RFTN1: variants seen among roughly 807,000 people sequenced by gnomAD.
The protein encoded by RFTN1 is raftlin.
RFTN1 carries 26 observed loss-of-function variants against 46.5 expected under a neutral mutation model. The observed-to-expected ratio is 0.56, with a 90% confidence interval of 0.41 to 0.78. RFTN1 has a LOEUF of 0.78. Ranked by LOEUF, RFTN1 falls within the 30% of genes least tolerant of loss-of-function variation. The probability of loss-of-function intolerance (pLI) is 0.00; values close to 1 mark genes in which losing one functional copy is unlikely to be tolerated. For missense variants in RFTN1, 693 were observed against 718.7 expected (o/e 0.96, Z 0.41); for synonymous variants, 261 against 284.2 (o/e 0.92, Z 0.82).
At position 16,443,679 on chromosome 3, in the gene RFTN1, G is replaced by A. The variant is rs892505438; in HGVS notation, c.146-9642C>T. On this transcript the variant is annotated intron_variant, in intron 2 of 9. Coordinates refer to ENST00000334133, the MANE Select transcript of RFTN1 (RefSeq NM_015150.2). The surrounding 1 kb of genome is among the most constrained non-coding windows in gnomAD (Gnocchi z 5.5). ...ATCAGGCTGTCGTGACAATGGGAGC[G>A]GGGAAGAGTTAAGTTGTTATTGGTT... Among the ~76,000 whole-genome samples the A allele has an allele frequency of 4.6e-5, 7 of 152,096 alleles. No individual in the cohort carries two copies. The highest frequency in any genetic ancestry group is 9.6e-5 in the African/African-American group (4 of 41,498).
chr3:16,498,101 C>A lies in RFTN1; in HGVS notation c.-8-4224G>T, dbSNP rs762018838. ...TCACAGGACATAAAGGGGCTCTGGG[C>A]AAATCATCCATGTGATCAGACACAG... On this transcript the variant is annotated intron_variant, in intron 1 of 9. Coordinates refer to ENST00000334133, the MANE Select transcript of RFTN1 (RefSeq NM_015150.2). The surrounding 1 kb of genome is among the most constrained non-coding windows in gnomAD (Gnocchi z 5.2). 9.9e-5 allele frequency among the ~76,000 whole-genome samples: 15 copies of A among 152,142 alleles called. No individual in the cohort carries two copies. Among genetic ancestry groups the A allele is most frequent in the Non-Finnish European group, 1.5e-4 (10 of 68,032 alleles).
In RFTN1 at chr3:16,481,801, C is replaced by A. The variant is rs143553324; in HGVS notation, c.145+11924G>T. ...CAATGTTACCTAGAGGAGCAAGGAG[C>A]GATTTTCTAGGAAAGAAAAATGTTT... On this transcript the variant is annotated intron_variant, in intron 2 of 9. Transcript: ENST00000334133. The surrounding 1 kb of genome is among the most constrained non-coding windows in gnomAD (Gnocchi z 5.1). Among the ~76,000 whole-genome samples the A allele has an allele frequency of 1.0e-3, 156 of 152,160 alleles. No individual in the cohort carries two copies. Among genetic ancestry groups the A allele is most frequent in the African/African-American group, 3.7e-3 (154 of 41,504 alleles).
rs2071533381 is a variant in RFTN1, at chr3:16,344,825, G to C, written c.1146+13107C>G. Among the ~76,000 whole-genome samples the C allele has an allele frequency of 6.6e-6, 1 of 152,154 alleles. No individual in the cohort carries two copies. The highest frequency in any genetic ancestry group is 1.5e-5 in the Non-Finnish European group (1 of 68,024). On this transcript the variant is annotated intron_variant, in intron 7 of 9. Transcript: ENST00000334133. The surrounding 1 kb of genome is among the most constrained non-coding windows in gnomAD (Gnocchi z 4.4). ...AAGCCTTGGCCAGGTGAATTTCAAA[G>C]AACATATTTCAAGGAGTGGTAGTGA...
rs1290249751 is a variant in RFTN1 at position 16,457,854 on chromosome 3, A to G, written c.146-23817T>C. Among the ~76,000 whole-genome samples the G allele has an allele frequency of 6.6e-6, 1 of 152,132 alleles. No individual in the cohort carries two copies. The highest frequency in any genetic ancestry group is 2.1e-4 in the South Asian group (1 of 4,814). On this transcript the variant is annotated intron_variant, in intron 2 of 9. Transcript: ENST00000334133. This position sits in a 1 kb window ranked among gnomAD's most constrained non-coding sequence, Gnocchi z 4.2. ...CAGTGAAGGGAGGTGAGTCCTTTTG[A>G]GAGGTGCTTAGGTCATGAGGGCTCA...
At chr3:16,355,452 C>T (rs2072374054) in intron 7 of RFTN1, among the ~76,000 whole-genome samples, 1 of 152,226 alleles carries the variant, frequency 6.6e-6, no homozygotes, top group Admixed American at 6.5e-5. Context: ...ATAGATGGTG[C>T]CATGTAGGTG....
chr3:16,444,053 T>C (rs943875879), intron 2 of RFTN1, among the ~76,000 whole-genome samples: 9 of 152,198 alleles, frequency 5.9e-5, no homozygotes, highest in African/African-American at 2.2e-4. Flanking sequence ...CAATATTTCA[T>C]ACATTTAAAA....
In RFTN1 at chr3:16,465,226, A is replaced by AG. The variant is rs1431612558; in HGVS notation, c.145+28498_145+28499insC. ...CAAGGATGCCACTTCAAGGTAAAAA[A>AG]AAAAAAAGCCTTAGTATTTCATAGA... On this transcript the variant is annotated intron_variant, in intron 2 of 9. Coordinates refer to ENST00000334133, the MANE Select transcript of RFTN1 (RefSeq NM_015150.2). The surrounding 1 kb of genome is among the most constrained non-coding windows in gnomAD (Gnocchi z 5.1). 6.6e-6 allele frequency among the ~76,000 whole-genome samples: 1 copy of AG among 152,126 alleles called. No homozygotes were observed.
intron 7 of RFTN1, among the ~76,000 whole-genome samples, chr3:16,350,930 A>G (rs1306389812): frequency 1.3e-5 from 2 of 152,230 alleles, no homozygotes; most frequent in African/African-American, 4.8e-5. Context: ...GAAACCATAG[A>G]AATTGATGTT....
intron 2 of RFTN1, among the ~76,000 whole-genome samples, chr3:16,490,243 A>C (rs2076518475): frequency 6.6e-6 from 1 of 152,260 alleles, no homozygotes; most frequent in Non-Finnish European, 1.5e-5. Context: ...TCAAAAGGAC[A>C]GTATTGACAA....
chr3:16,419,646 C>G (rs1379541144), intron 3 of RFTN1, among the ~76,000 whole-genome samples: 1 of 152,120 alleles, frequency 6.6e-6, no homozygotes, highest in East Asian at 1.9e-4. Flanking sequence ...ATACAATGAG[C>G]CTGTTGGAGT....
chr3:16,443,399 C>T lies in RFTN1; in HGVS notation c.146-9362G>A, dbSNP rs975565950. On this transcript the variant is annotated intron_variant, in intron 2 of 9. Coordinates refer to ENST00000334133, the MANE Select transcript of RFTN1 (RefSeq NM_015150.2). The surrounding 1 kb of genome is among the most constrained non-coding windows in gnomAD (Gnocchi z 5.5). ...CCTTGGGAGATATGTCTATTCAAGC[C>T]CTCTGCCCATTTTTCAAGTTGGGTT... Among the ~76,000 whole-genome samples, 3 of 151,986 alleles carry T rather than the reference C, an allele frequency of 2.0e-5. No homozygotes were observed. The highest frequency in any genetic ancestry group is 1.9e-4 in the East Asian group (1 of 5,198).
intron 7 of RFTN1, among the ~76,000 whole-genome samples, chr3:16,343,013 A>AT (rs1197083869): frequency 2.0e-5 from 3 of 151,926 alleles, no homozygotes; most frequent in Non-Finnish European, 2.9e-5. Flanking sequence ...GCTAATTTTT[A>AT]TTTTTTTAAT....
rs2072050156 is a variant in RFTN1 at position 16,350,852 on chromosome 3, CTG to C, written c.1146+7078_1146+7079del. Among the ~76,000 whole-genome samples, 4 of 152,268 alleles carry C rather than the reference CTG, an allele frequency of 2.6e-5. No homozygotes were observed. In the South Asian group the frequency reaches 8.3e-4, roughly 32 times the overall value. On this transcript the variant is annotated intron_variant, in intron 7 of 9. Coordinates refer to ENST00000334133, the MANE Select transcript of RFTN1 (RefSeq NM_015150.2). ...AACCAAAGTAATTATCTTGGAGAAACTGTGGCAATAGAAGAAAAAAGCCAGAT... is the reference window on the plus strand; with the variant it reads ...AACCAAAGTAATTATCTTGGAGAAACTGGCAATAGAAGAAAAAAGCCAGAT...
chr3:16,365,492 T>C (rs555719804), intron 6 of RFTN1, among the ~76,000 whole-genome samples: 1 of 152,166 alleles, frequency 6.6e-6, no homozygotes, highest in African/African-American at 2.4e-5. Flanking sequence ...TACTTATGTA[T>C]TTTGCAAATA....
intron 4 of RFTN1, among the ~76,000 whole-genome samples, chr3:16,401,823 C>A (rs951231300): frequency 2.0e-5 from 3 of 152,182 alleles, no homozygotes; most frequent in Non-Finnish European, 4.4e-5. Flanking sequence ...CAGCCAGGTG[C>A]CCAACCAAAC....
In RFTN1 at chr3:16,466,754, A is replaced by G. The variant is rs1446683648; in HGVS notation, c.145+26971T>C. On this transcript the variant is annotated intron_variant, in intron 2 of 9. Coordinates refer to ENST00000334133, the MANE Select transcript of RFTN1 (RefSeq NM_015150.2). This position sits in a 1 kb window ranked among gnomAD's most constrained non-coding sequence, Gnocchi z 5.6. ...GAACTATACTGAGGTAGGTATAGACACTCATGTACACAGAGACACACACAC... is the reference window on the plus strand; with the variant it reads ...GAACTATACTGAGGTAGGTATAGACGCTCATGTACACAGAGACACACACAC... Among the ~76,000 whole-genome samples, 1 of 152,172 alleles carries G rather than the reference A, an allele frequency of 6.6e-6. No individual in the cohort carries two copies. Among genetic ancestry groups the G allele is most frequent in the East Asian group, 1.9e-4 (1 of 5,200 alleles).
At chr3:16,478,232 C>T (rs1211128456) in intron 2 of RFTN1, among the ~76,000 whole-genome samples, 1 of 152,120 alleles carries the variant, frequency 6.6e-6, no homozygotes, top group African/African-American at 2.4e-5. Context: ...TTGTTATACT[C>T]ACTGTGACAC....
In RFTN1 at chr3:16,377,967, C is replaced by T. The variant is rs139895348; in HGVS notation, c.577G>A (p.Ala193Thr). Residue 193 changes from alanine (A) to threonine (T), a missense_variant, in exon 5 of 10, where the codon GCA (alanine) becomes ACA (threonine). Ala to Thr is a moderately conservative substitution (Grantham distance 58, BLOSUM62 0). Coordinates refer to ENST00000334133, the MANE Select transcript of RFTN1 (RefSeq NM_015150.2). ...STEDARDAKNARGDHASLENE... is the reference protein window; with the variant it reads ...STEDARDAKNTRGDHASLENE... ...TCCAGTGACGCGTGATCCCCACGTG[C>T]GTTTTTTGCATCTCTGGCATCCTCG... 21 of 1,614,108 alleles carry T rather than the reference C, an allele frequency of 1.3e-5. No homozygotes were observed. The African/African-American group carries it at 1.9e-4, about 14-fold the overall frequency.
In RFTN1 at chr3:16,507,762, CACAA is replaced by C. The variant is rs1246332042; in HGVS notation, c.-9+5676_-9+5679del. 4.0e-5 allele frequency among the ~76,000 whole-genome samples: 6 copies of C among 151,620 alleles called. No individual in the cohort carries two copies. The highest frequency in any genetic ancestry group is 5.9e-5 in the Non-Finnish European group (4 of 67,906). Reference sequence around the variant, plus strand: ...ACACATACATGCACACTCACATACACACAAACACACACATACACTCACATACACA... The same window carrying C: ...ACACATACATGCACACTCACATACACACACACACATACACTCACATACACA... On this transcript the variant is annotated intron_variant, in intron 1 of 9. Transcript: ENST00000334133. The surrounding 1 kb of genome is among the most constrained non-coding windows in gnomAD (Gnocchi z 7.1).
Sources: gnomAD v4.1 joint callset for allele counts (sites outside exome capture counted in the v4.1 genomes callset) on GRCh38, gnomAD v4.1.1 for gene constraint, Gnocchi (gnomAD v3.1) non-coding constraint, MANE v1.5 for transcripts, NCBI Gene and HGNC (gene_info 2026-07-23, HGNC 2026-07-21) for gene names.